The following CHST9 variants were observed in gnomAD, a reference collection of about 807,000 sequenced individuals.
The protein encoded by CHST9 is carbohydrate sulfotransferase 9.
In CHST9, 41 loss-of-function variants were observed where a neutral mutation model predicts 44.4. The observed-to-expected ratio is 0.92, with a 90% confidence interval of 0.72 to 1.20. The LOEUF is 1.20. CHST9 is among the 50% of genes most tolerant of loss of function. CHST9 has a pLI of 0.00. For missense variants in CHST9, 504 were observed against 516.5 expected (o/e 0.98, Z 0.23); for synonymous variants, 171 against 178.4 (o/e 0.96, Z 0.33).
At chr18:27,074,833 CATT>C (rs2057883628) in intron 2 of CHST9, among the ~76,000 whole-genome samples, 1 of 147,242 alleles carries the variant, frequency 6.8e-6, no homozygotes, top group South Asian at 2.1e-4. Flanking sequence ...ATAAAATATA[CATT>C]ATAATTATAT....
intron 4 of CHST9, among the ~76,000 whole-genome samples, chr18:26,954,904 A>G (rs992167305): frequency 1.2e-4 from 19 of 152,042 alleles, no homozygotes; most frequent in Admixed American, 1.2e-3. Context: ...TGATACTGAG[A>G]CCACTATCAA....
Position 27,065,723 on chromosome 18 carries a change from C to A in CHST9, c.122-17220G>T, listed in dbSNP as rs185131219. Among the ~76,000 whole-genome samples the A allele has an allele frequency of 3.8e-4, 57 of 151,638 alleles. No homozygotes were observed. In the East Asian group the frequency reaches 0.011, roughly 29 times the overall value. On this transcript the variant is annotated intron_variant, in intron 2 of 5. Coordinates refer to ENST00000618847, the MANE Select transcript of CHST9 (RefSeq NM_031422.6). ...GTTGGATCCTAAGGAAGGATACAAT[C>A]AATAAGAAATTCCCTTTTTAGGAAA...
chr18:27,153,540 C>CTGTG (rs1246625511), intron 1 of CHST9, among the ~76,000 whole-genome samples: 23 of 104,588 alleles, frequency 2.2e-4, no homozygotes, highest in African/African-American at 7.6e-4. Context: ...CTCTCTCTCT[C>CTGTG]TCTCTCTGTG....
chr18:27,093,225 C>T lies in CHST9; in HGVS notation c.122-44722G>A, dbSNP rs184636240. Among the ~76,000 whole-genome samples, 326 of 152,374 alleles carry T rather than the reference C, an allele frequency of 2.1e-3. 3 individuals are homozygous for T. Among genetic ancestry groups the T allele is most frequent in the African/African-American group, 7.4e-3 (309 of 41,596 alleles). On this transcript the variant is annotated intron_variant, in intron 2 of 5. Coordinates refer to ENST00000618847, the MANE Select transcript of CHST9 (RefSeq NM_031422.6). The stretch of plus-strand genomic sequence containing the variant: ...TCAGGGACCCACTTGAGGAGGCAGT[C>T]TCTCCATTCTCAGAGCTCAAACACT...
chr18:27,024,568 C>A (rs915368843), intron 3 of CHST9, among the ~76,000 whole-genome samples: 3 of 152,124 alleles, frequency 2.0e-5, no homozygotes, highest in African/African-American at 7.2e-5. Context: ...TTAATAAAAT[C>A]TTTGTGTAAA....
intron 4 of CHST9, among the ~76,000 whole-genome samples, chr18:26,982,869 T>C (rs2056709738): frequency 6.6e-6 from 1 of 152,218 alleles, no homozygotes; most frequent in Admixed American, 6.5e-5. Context: ...AAAAATTATA[T>C]GCCACACTCT....
chr18:26,918,832 G>A (rs2055589260), intron 5 of CHST9, among the ~76,000 whole-genome samples: 1 of 151,932 alleles, frequency 6.6e-6, no homozygotes, highest in Non-Finnish European at 1.5e-5. Context: ...AATACCATAT[G>A]CCAACGTGTA....
intron 5 of CHST9, among the ~76,000 whole-genome samples, chr18:26,925,580 A>T (rs11662066): frequency 0.42 from 64,317 of 151,878 alleles, 14,095 homozygotes; most frequent in East Asian, 0.7. Context: ...TACAAGAGAT[A>T]ATGGTCGTTA....
At chr18:27,085,827 A>G (rs1332122943) in intron 2 of CHST9, among the ~76,000 whole-genome samples, 1 of 152,198 alleles carries the variant, frequency 6.6e-6, no homozygotes, top group African/African-American at 2.4e-5. Context: ...GTGTATGTTC[A>G]TTGCAGTACT....
At chr18:26,938,388 G>C (rs1314836065) in intron 5 of CHST9, among the ~76,000 whole-genome samples, 2 of 152,040 alleles carry the variant, frequency 1.3e-5, no homozygotes, top group African/African-American at 4.8e-5. Flanking sequence ...TCGTAAATTG[G>C]ATAGCTTTTC....
intron 2 of CHST9, among the ~76,000 whole-genome samples, chr18:27,112,562 G>T (rs2058280694): frequency 6.8e-6 from 1 of 146,566 alleles, no homozygotes; most frequent in African/African-American, 2.5e-5. Flanking sequence ...CAGGATTTTA[G>T]ATTAGGGATA....
At chr18:27,062,967 G>C (rs1357863786) in intron 2 of CHST9, among the ~76,000 whole-genome samples, 1 of 152,110 alleles carries the variant, frequency 6.6e-6, no homozygotes, top group Non-Finnish European at 1.5e-5. Flanking sequence ...TGCTGCCAGG[G>C]CTCTGACACC....
intron 4 of CHST9, among the ~76,000 whole-genome samples, chr18:26,955,386 T>C (rs16943055): frequency 0.13 from 19,409 of 152,210 alleles, 2,785 homozygotes; most frequent in African/African-American, 0.36. Flanking sequence ...AACCACATTA[T>C]ACTTGTCCTT....
chr18:26,993,516 C>A (rs550428646), intron 4 of CHST9, among the ~76,000 whole-genome samples: 1 of 152,104 alleles, frequency 6.6e-6, no homozygotes, highest in South Asian at 2.1e-4. Flanking sequence ...TTCTGTCAAG[C>A]CACAAGTATT....
chr18:26,994,596 G>T (rs1266299364), intron 4 of CHST9, among the ~76,000 whole-genome samples: 1 of 151,740 alleles, frequency 6.6e-6, no homozygotes, highest in Non-Finnish European at 1.5e-5. Flanking sequence ...CTTTTTTTGC[G>T]GGGCTGGGGG....
At chr18:27,129,661 G>A (rs1299541008) in intron 2 of CHST9, among the ~76,000 whole-genome samples, 1 of 152,080 alleles carries the variant, frequency 6.6e-6, no homozygotes, top group African/African-American at 2.4e-5. Flanking sequence ...CCAAAGTGCT[G>A]GGATTACAGA....
At chr18:26,920,115 T>A (rs1016630672) in intron 5 of CHST9, among the ~76,000 whole-genome samples, 6 of 152,302 alleles carry the variant, frequency 3.9e-5, no homozygotes, top group African/African-American at 1.4e-4. Context: ...GACTCTGACA[T>A]CCAATCAACT....
intron 2 of CHST9, among the ~76,000 whole-genome samples, chr18:27,084,458 G>GTTTTT (rs34987256): frequency 7.0e-6 from 1 of 143,548 alleles, no homozygotes. Flanking sequence ...CACTCGCTGG[G>GTTTTT]TTTTTTTTTT....
chr18:27,177,556 T>C (rs2058878283), intron 1 of CHST9, among the ~76,000 whole-genome samples: 1 of 152,046 alleles, frequency 6.6e-6, no homozygotes, highest in Admixed American at 6.6e-5. Flanking sequence ...TTCATTTGAA[T>C]TGACGGTGTC....
Sources: allele counts gnomAD v4.1 joint callset (sites outside exome capture counted in the v4.1 genomes callset), GRCh38; gene constraint gnomAD v4.1.1; transcripts MANE v1.5; gene names NCBI Gene and HGNC (gene_info 2026-07-23, HGNC 2026-07-21).